ADARB2: variants seen among roughly 807,000 people sequenced by gnomAD.
The protein encoded by ADARB2 is inactive double-stranded RNA-specific editase B2.
ADARB2 carries 25 observed loss-of-function variants against 62.2 expected under a neutral mutation model. The observed-to-expected ratio is 0.40, with a 90% CI of 0.29 to 0.56. The LOEUF (loss-of-function observed/expected upper bound fraction) is 0.56, where lower values mean the gene tolerates loss of function less well. ADARB2 is among the 20% of genes least tolerant of loss of function. ADARB2 has a pLI of 0.43. For synonymous variants in ADARB2, 572 were observed against 500.8 expected (o/e 1.14, Z -1.90); for missense variants, 1,071 against 1,077.4 (o/e 0.99, Z 0.08).
intron 1 of ADARB2, among the ~76,000 whole-genome samples, chr10:1,717,198 G>T (rs1588364727): frequency 1.9e-5 from 2 of 103,996 alleles, no homozygotes; most frequent in Non-Finnish European, 1.8e-5. Flanking sequence ...TTAAATCTCT[G>T]AGCTCTTCCC....
At chr10:1,522,270 C>T (rs1369629582) in intron 1 of ADARB2, among the ~76,000 whole-genome samples, 1 of 152,132 alleles carries the variant, frequency 6.6e-6, no homozygotes, top group African/African-American at 2.4e-5. Flanking sequence ...CTTCATATAA[C>T]CAGATAGACA....
intron 3 of ADARB2, among the ~76,000 whole-genome samples, chr10:1,299,379 AG>A (rs1276697154): frequency 1.3e-5 from 2 of 152,148 alleles, no homozygotes; most frequent in Non-Finnish European, 1.5e-5. Flanking sequence ...ACATGTCAGC[AG>A]GGGTGTCCTT....
At chr10:1,342,737 G>C (rs904216456) in intron 3 of ADARB2, among the ~76,000 whole-genome samples, 1 of 152,338 alleles carries the variant, frequency 6.6e-6, no homozygotes, top group Admixed American at 6.5e-5. Flanking sequence ...CCACCTGACT[G>C]TATTGCAATG....
At chr10:1,464,200 C>A (rs1362196908) in intron 1 of ADARB2, among the ~76,000 whole-genome samples, 1 of 135,894 alleles carries the variant, frequency 7.4e-6, no homozygotes, top group Non-Finnish European at 1.6e-5. Context: ...AGGGTGGACA[C>A]ACACTCCCCC....
intron 7 of ADARB2, among the ~76,000 whole-genome samples, chr10:1,204,597 C>G (rs1341697001): frequency 6.6e-6 from 1 of 152,236 alleles, no homozygotes; most frequent in Non-Finnish European, 1.5e-5. Flanking sequence ...CGCGTGGACG[C>G]TCCGCCCCTC....
intron 1 of ADARB2, among the ~76,000 whole-genome samples, chr10:1,436,698 T>G (rs1204952697): frequency 6.6e-6 from 1 of 152,208 alleles, no homozygotes; most frequent in African/African-American, 2.4e-5. Flanking sequence ...TAACTGCCAT[T>G]TCAAGTTTTA....
Position 1,471,518 on chromosome 10 carries a change from G to C in ADARB2, c.101-92358C>G, listed in dbSNP as rs1006081023. Among the ~76,000 whole-genome samples, 5 of 152,252 alleles carry C rather than the reference G, an allele frequency of 3.3e-5. No homozygotes were observed. The East Asian group carries it at 9.7e-4, about 29-fold the overall frequency. ...CGCTTCTCCTGCCTCAGCCTTGTGG[G>C]TGGCTGGGATTACAGGCATACGCCA... On this transcript the variant is annotated intron_variant, in intron 1 of 9. Transcript: ENST00000381312.
chr10:1,225,298 TG>T (rs989021849), intron 6 of ADARB2, among the ~76,000 whole-genome samples: 43 of 152,290 alleles, frequency 2.8e-4, no homozygotes, highest in African/African-American at 1.0e-3. Flanking sequence ...TTTGAGCCTA[TG>T]TGTGTCTCTG....
chr10:1,476,658 G>A (rs1016712869), intron 1 of ADARB2, among the ~76,000 whole-genome samples: 5 of 152,152 alleles, frequency 3.3e-5, no homozygotes, highest in Admixed American at 6.5e-5. Flanking sequence ...TCTGACCGCC[G>A]TTTCCATGGC....
chr10:1,243,579 C>G (rs1397398951), intron 4 of ADARB2, among the ~76,000 whole-genome samples: 1 of 152,214 alleles, frequency 6.6e-6, no homozygotes, highest in Non-Finnish European at 1.5e-5. Flanking sequence ...CTCTCTGGGC[C>G]TCACCGTGGG....
chr10:1,260,000 G>A (rs1250718756), intron 4 of ADARB2, among the ~76,000 whole-genome samples: 3 of 152,096 alleles, frequency 2.0e-5, no homozygotes, highest in African/African-American at 4.8e-5. Flanking sequence ...TTCAACATAC[G>A]AAAATCAATA....
intron 3 of ADARB2, among the ~76,000 whole-genome samples, chr10:1,317,812 T>G (rs551114696): frequency 6.6e-6 from 1 of 151,934 alleles, no homozygotes; most frequent in Non-Finnish European, 1.5e-5. Flanking sequence ...CGCCCCTCCA[T>G]TGGGGGCCCA....
At chr10:1,623,824 C>T (rs2132028335) in intron 1 of ADARB2, among the ~76,000 whole-genome samples, 1 of 152,344 alleles carries the variant, frequency 6.6e-6, no homozygotes, top group East Asian at 1.9e-4. Flanking sequence ...AGCATTTAAT[C>T]CTCAAACAGC....
chr10:1,527,502 A>G (rs1039328257), intron 1 of ADARB2, among the ~76,000 whole-genome samples: 1 of 152,254 alleles, frequency 6.6e-6, no homozygotes, highest in Non-Finnish European at 1.5e-5. Context: ...CAAAAACTAA[A>G]TTAAAATCAA....
At chr10:1,489,994 G>C (rs1270215172) in intron 1 of ADARB2, among the ~76,000 whole-genome samples, 1 of 152,206 alleles carries the variant, frequency 6.6e-6, no homozygotes, top group Non-Finnish European at 1.5e-5. Flanking sequence ...GGACAACAAA[G>C]ACCTCAGCCT....
At chr10:1,242,651 G>A (rs1463299206) in intron 4 of ADARB2, among the ~76,000 whole-genome samples, 1 of 152,200 alleles carries the variant, frequency 6.6e-6, no homozygotes, top group African/African-American at 2.4e-5. Context: ...GTGAGTGGGA[G>A]CAGTGCTAGC....
intron 1 of ADARB2, among the ~76,000 whole-genome samples, chr10:1,496,865 G>C (rs1054736087): frequency 6.6e-6 from 1 of 152,164 alleles, no homozygotes; most frequent in Admixed American, 6.5e-5. Flanking sequence ...CGCACACTGG[G>C]CTATGAACAA....
rs536045577 is a variant in ADARB2 at position 1,227,184 on chromosome 10, G to A, written c.1513+6510C>T. Among the ~76,000 whole-genome samples the A allele has an allele frequency of 2.6e-5, 4 of 152,326 alleles. 1 individual carries two copies. The South Asian group carries it at 6.2e-4, about 24-fold the overall frequency. On this transcript the variant is annotated intron_variant, in intron 6 of 9. Transcript: ENST00000381312. The stretch of plus-strand genomic sequence containing the variant: ...CTGTGCTAGCAATCAGCGAGACTCC[G>A]TGGGTGTAGGACCCTCCGAGCCAGG...
Position 1,704,876 on chromosome 10 carries a change from C to T in ADARB2, c.100+32175G>A, listed in dbSNP as rs937285822. 6.6e-6 allele frequency among the ~76,000 whole-genome samples: 1 copy of T among 152,076 alleles called. No homozygotes were observed. Among genetic ancestry groups the T allele is most frequent in the Non-Finnish European group, 1.5e-5 (1 of 68,026 alleles). On this transcript the variant is annotated intron_variant, in intron 1 of 9. Transcript: ENST00000381312. The surrounding 1 kb of genome is among the most constrained non-coding windows in gnomAD (Gnocchi z 5.6). ...GCCTCCACTCTCTCACTGAGGAGCC[C>T]AGCAGTTTATCATTTGAGCAGGAAA...
Sources: allele counts gnomAD v4.1 joint callset (sites outside exome capture counted in the v4.1 genomes callset), GRCh38; gene constraint gnomAD v4.1.1; non-coding constraint Gnocchi (gnomAD v3.1); transcripts MANE v1.5; gene names NCBI Gene and HGNC (gene_info 2026-07-23, HGNC 2026-07-21).